The following ACSL3 variants were observed in gnomAD, a reference collection of about 807,000 sequenced individuals.
The protein encoded by ACSL3 is fatty acid CoA ligase Acsl3.
In ACSL3, 34 loss-of-function variants were observed where a neutral mutation model predicts 84.7. That is an observed-to-expected ratio of 0.40 (90% confidence interval 0.31 to 0.53). The LOEUF (loss-of-function observed/expected upper bound fraction) is 0.53. Among genes scored for constraint, ACSL3 ranks in the 20% least tolerant of loss-of-function variants. The probability of loss-of-function intolerance (pLI) is 0.48; values close to 1 mark genes in which losing one functional copy is unlikely to be tolerated. For missense variants in ACSL3, 680 were observed against 873.1 expected, an observed-to-expected ratio of 0.78 and a Z score of 2.79; for synonymous variants, 315 against 299.4, an observed-to-expected ratio of 1.05 and a Z score of -0.54.
chr2:222,924,982 C>T (rs1004336378), intron 11 of ACSL3, among the ~76,000 whole-genome samples: 2 of 150,072 alleles, frequency 1.3e-5, no homozygotes, highest in African/African-American at 2.5e-5. Context: ...GCCAAGATTG[C>T]GCCACTGCAC....
intron 4 of ACSL3, among the ~76,000 whole-genome samples, chr2:222,915,971 A>C (rs1023781521): frequency 3.3e-5 from 5 of 152,332 alleles, no homozygotes; most frequent in Non-Finnish European, 7.4e-5. Context: ...TAACACCTAC[A>C]TCATTTAAAT....
chr2:222,922,714 A>G lies in ACSL3; in HGVS notation c.963A>G (p.Glu321=), dbSNP rs762214053. The change falls in exon 9 of 17, where the codon GAA becomes GAG. Residue 321 remains glutamate (E), a synonymous_variant. Transcript: ENST00000357430. ...CGTCTCCCTTTTCTTTTAGAGAGGAAGATGTCTACATTGGATATTTGCCTC... is the reference window on the plus strand; with the variant it reads ...CGTCTCCCTTTTCTTTTAGAGAGGAGGATGTCTACATTGGATATTTGCCTC... ...MAERIPELGE[E]DVYIGYLPLA... 1.2e-6 allele frequency: 2 copies of G among 1,613,870 alleles called. No homozygotes were observed. Among genetic ancestry groups the G allele is most frequent in the Non-Finnish European group, 1.7e-6 (2 of 1,179,918 alleles).
At chr2:222,886,085 G>A (rs929828562) in intron 1 of ACSL3, among the ~76,000 whole-genome samples, 1 of 152,084 alleles carries the variant, frequency 6.6e-6, no homozygotes, top group South Asian at 2.1e-4. Flanking sequence ...TAAGTTCTGG[G>A]ATACATGTGC....
chr2:222,906,123 A>T (rs576820742), intron 3 of ACSL3, among the ~76,000 whole-genome samples: 10 of 152,182 alleles, frequency 6.6e-5, no homozygotes, highest in African/African-American at 1.9e-4. Context: ...CCCCTCTTCC[A>T]GGGCTGCTGC....
At chr2:222,892,243 A>G (rs17176871) in intron 2 of ACSL3, among the ~76,000 whole-genome samples, 46,934 of 152,144 alleles carry the variant, frequency 0.31, 7,489 homozygotes, top group Admixed American at 0.4. Flanking sequence ...TAAGAATTTA[A>G]AACAACTGTC....
At chr2:222,926,545 TAACA>T (rs1236415785) in intron 11 of ACSL3, among the ~76,000 whole-genome samples, 5 of 152,216 alleles carry the variant, frequency 3.3e-5, no homozygotes, top group Admixed American at 6.5e-5. Context: ...AGATTATTTT[TAACA>T]AACAATTCAA....
rs191418228 is a variant in ACSL3, at chr2:222,881,445, A to G, written c.-206-6385A>G. On this transcript the variant is annotated intron_variant, in intron 1 of 16. Coordinates refer to ENST00000357430, the MANE Select transcript of ACSL3 (RefSeq NM_004457.5). Reference sequence around the variant, plus strand: ...TGTTTAATGTTGATTTCTAATAAATATACTGTTTTTAAGTTTAAGCAATTT... The same window carrying G: ...TGTTTAATGTTGATTTCTAATAAATGTACTGTTTTTAAGTTTAAGCAATTT... Among the ~76,000 whole-genome samples the G allele has an allele frequency of 3.8e-3, 583 of 152,372 alleles. 2 individuals are homozygous for G. The highest frequency in any genetic ancestry group is 0.02 in the Middle Eastern group (6 of 294).
intron 3 of ACSL3, among the ~76,000 whole-genome samples, chr2:222,908,456 T>C (rs2106117622): frequency 6.6e-6 from 1 of 152,378 alleles, no homozygotes; most frequent in African/African-American, 2.4e-5. Context: ...TCTTTCTGAC[T>C]TGCTCCCTTT....
chr2:222,930,535 A>AAC (rs1165498640), intron 13 of ACSL3, 86 bp from the exon 14 acceptor site: 31 of 1,157,062 alleles, frequency 2.7e-5, no homozygotes, highest in Non-Finnish European at 3.4e-5. Context: ...TTGGATTAAA[A>AAC]TAAGATGACT....
intron 4 of ACSL3, among the ~76,000 whole-genome samples, chr2:222,915,216 C>T (rs1696545958): frequency 6.6e-6 from 1 of 151,934 alleles, no homozygotes; most frequent in South Asian, 2.1e-4. Context: ...CTGTGCTGAG[C>T]ATTTCATGGG....
At chr2:222,921,120 CTT>C (rs1696723305) in intron 7 of ACSL3, 158 bp from the exon 8 acceptor site, 1 of 790,172 alleles carries the variant, frequency 1.3e-6, no homozygotes, top group African/African-American at 1.7e-5. Flanking sequence ...CGTGCAGGGA[CTT>C]GATCTGTTTT....
In ACSL3 at chr2:222,901,943, CAAAA is replaced by C. The variant is rs765995360; in HGVS notation, c.-41+1181_-41+1184del. 3.1e-3 allele frequency among the ~76,000 whole-genome samples: 39 copies of C among 12,388 alleles called. 1 individual carries two copies. The highest frequency in any genetic ancestry group is 0.022 in the African/African-American group (33 of 1,530). 8.1% of individuals were successfully genotyped at this position (12,388 alleles called of 152,430 possible). Reference sequence around the variant, plus strand: ...TGGGTGACAGAGTGAGACTCGGTCTCAAAAAAAAAAAAAAAAAAAAAGAACTCAA... The same window carrying C: ...TGGGTGACAGAGTGAGACTCGGTCTCAAAAAAAAAAAAAAAAAGAACTCAA... On this transcript the variant is annotated intron_variant, in intron 3 of 16. Transcript: ENST00000357430.
At chr2:222,917,978 ACATT>A in intron 5 of ACSL3, 64 bp from the exon 6 acceptor site, 1 of 1,133,586 alleles carries the variant, frequency 8.8e-7, no homozygotes, top group Non-Finnish European at 1.3e-6. Flanking sequence ...ATTCATCTCC[ACATT>A]CAGAGACTTT....
intron 7 of ACSL3, 181 bp from the exon 8 acceptor site, chr2:222,921,099 T>G (rs1403784917): frequency 4.2e-6 from 3 of 722,014 alleles, no homozygotes; most frequent in Non-Finnish European, 7.6e-6. Flanking sequence ...CAATAGAATA[T>G]ATCTCCCATA....
rs749148769 is a variant in ACSL3 at position 222,921,366 on chromosome 2, A to G, written c.892A>G (p.Met298Val). The G allele has an allele frequency of 1.2e-6, 2 of 1,604,560 alleles. No homozygotes were observed. The highest frequency in any genetic ancestry group is 1.7e-6 in the Non-Finnish European group (2 of 1,171,964). ...SGSTGLPKGVMISHSNIIAGI... is the reference protein window; with the variant it reads ...SGSTGLPKGVVISHSNIIAGI... Reference sequence around the variant, plus strand: ...ATCCACAGGACTTCCAAAGGGAGTCATGATCTCACATAGTAACATTATTGC... The same window carrying G: ...ATCCACAGGACTTCCAAAGGGAGTCGTGATCTCACATAGTAACATTATTGC... Residue 298 changes from methionine to valine, a missense_variant, in exon 8 of 17, where the codon ATG (methionine) becomes GTG (valine). Physicochemically the swap from Met to Val is conservative, Grantham distance 21 (BLOSUM62 1). This residue lies in a region of ACSL3 where 347 missense variants were observed against 525.7 expected (regional missense o/e 0.66). Coordinates refer to ENST00000357430, the MANE Select transcript of ACSL3 (RefSeq NM_004457.5).
chr2:222,932,849 T>C lies in ACSL3; in HGVS notation c.1733-317T>C, dbSNP rs1448503895. Among the ~76,000 whole-genome samples, 8 of 34,134 alleles carry C rather than the reference T, an allele frequency of 2.3e-4. 3 individuals are homozygous for C. Among genetic ancestry groups the C allele is most frequent in the African/African-American group, 1.7e-3 (8 of 4,834 alleles). The allele number at this position is 34,134 out of a possible 152,430, so 22.4% of individuals were successfully genotyped here. A position where few individuals can be genotyped will look rare whatever the true frequency, so the allele number is the denominator to read the frequency against. On this transcript the variant is annotated intron_variant, in intron 14 of 16. Transcript: ENST00000357430. ...GGGAGGCTGAGGCAGGAGAATGGCG[T>C]GAACCCGGGAAGCGGAGCTTGCAGT...
intron 3 of ACSL3, chr2:222,905,199 G>T (rs1333398437): frequency 6.5e-6 from 1 of 152,822 alleles, no homozygotes; most frequent in African/African-American, 2.4e-5. Context: ...TTGCTTTGTT[G>T]CCCAAGCTGG....
chr2:222,920,818 T>C (rs1696712999), intron 7 of ACSL3: 1 of 357,170 alleles, frequency 2.8e-6, no homozygotes, highest in Admixed American at 3.8e-5. Flanking sequence ...TCTTGCTCAC[T>C]CTGTTCCAGC....
At chr2:222,869,344 C>T (rs774291301) in intron 1 of ACSL3, among the ~76,000 whole-genome samples, 1 of 152,216 alleles carries the variant, frequency 6.6e-6, no homozygotes, top group Non-Finnish European at 1.5e-5. Context: ...CTTCCTTCAT[C>T]TCTCTGGCTC....
Sources: allele counts gnomAD v4.1 joint callset (sites outside exome capture counted in the v4.1 genomes callset), GRCh38; gene constraint gnomAD v4.1.1; regional missense constraint gnomAD v4.1.1; transcripts MANE v1.5; gene names NCBI Gene and HGNC (gene_info 2026-07-23, HGNC 2026-07-21).